The following FXYD3 variants were observed in gnomAD, a reference collection of about 807,000 sequenced individuals.
FXYD3 encodes FXYD domain-containing ion transport regulator 3.
In FXYD3, 13 loss-of-function variants were observed where a neutral mutation model predicts 19.2. The observed-to-expected ratio is 0.68, with a 90% CI of 0.44 to 1.08. FXYD3 has a LOEUF of 1.08. Ranked by LOEUF, FXYD3 falls within the 50% of genes least tolerant of loss-of-function variation. The pLI is 0.00. For synonymous variants in FXYD3, 48 were observed against 38.9 expected (o/e 1.23, Z -0.87); for missense variants, 101 against 109.4 (o/e 0.92, Z 0.34).
chr19:35,117,123 G>A, intron 2 of FXYD3: 1 of 1,325,596 alleles, frequency 7.5e-7, no homozygotes, highest in Non-Finnish European at 9.6e-7. Flanking sequence ...TCTCTAACCT[G>A]CTCACCAACC....
rs75407870 is a variant in FXYD3, at chr19:35,119,107, G to A, written c.-14-256G>A. 1,027 of 1,238,656 alleles carry A rather than the reference G, an allele frequency of 8.3e-4. 5 individuals are homozygous for A. In the African/African-American group the frequency reaches 0.014, roughly 17 times the overall value. The allele number at this position is 1,238,656 out of a possible 1,614,324, so 76.7% of individuals were successfully genotyped here. A position where few individuals can be genotyped will look rare whatever the true frequency, so the allele number is the denominator to read the frequency against. ...AGTGGCGCCCTTGTTTGGTTGCGGGGCGATTCCCAGAAAGCCTGAAGTCCA... is the reference window on the plus strand; with the variant it reads ...AGTGGCGCCCTTGTTTGGTTGCGGGACGATTCCCAGAAAGCCTGAAGTCCA... On this transcript the variant is annotated intron_variant, in intron 2 of 8. Coordinates refer to ENST00000604404, the MANE Select transcript of FXYD3 (RefSeq NM_005971.4).
At position 35,119,359 on chromosome 19, in the gene FXYD3, C is replaced by CT; in HGVS notation, c.-14-3dup. ...TAAGGCCAGACCTCCCGCCACCCCT[C>CT]TAGGCCAGCGCTCTGACATGCAGAA... On this transcript the variant is annotated splice_region_variant and splice_polypyrimidine_tract_variant and intron_variant, in intron 2 of 8. Transcript: ENST00000604404. 1 of 1,614,118 alleles carries CT rather than the reference C, an allele frequency of 6.2e-7. No individual in the cohort carries two copies. The highest frequency in any genetic ancestry group is 8.5e-7 in the Non-Finnish European group (1 of 1,179,950).
At chr19:35,118,788 C>T (rs7257175) in intron 2 of FXYD3, among the ~76,000 whole-genome samples, 50,225 of 151,948 alleles carry the variant, frequency 0.33, 8,641 homozygotes, top group East Asian at 0.45. Context: ...CACACCACCC[C>T]ACCCCCAAGC....
intron 5 of FXYD3, among the ~76,000 whole-genome samples, chr19:35,122,318 C>G (rs1048282746): frequency 3.3e-5 from 5 of 152,078 alleles, no homozygotes; most frequent in African/African-American, 9.7e-5. Flanking sequence ...CCATGCCTGG[C>G]TAATTTTTGT....
Position 35,122,944 on chromosome 19 carries a change from C to A in FXYD3, c.199C>A (p.Gln67Lys), listed in dbSNP as rs1217077580. ...MSAKCKCKFG[Q>K]KSGHHPGETP... ...TGCAAAATGCAAATGCAAGTTTGGCCAGAAGTCCGGGTAAGATACTGTTCC... is the reference window on the plus strand; with the variant it reads ...TGCAAAATGCAAATGCAAGTTTGGCAAGAAGTCCGGGTAAGATACTGTTCC... The change falls in exon 7 of 9, where the codon CAG becomes AAG. Residue 67 changes from glutamine (Q) to lysine (K), a missense_variant. By Grantham distance (53) the Gln-to-Lys change is moderately conservative. Coordinates refer to ENST00000604404, the MANE Select transcript of FXYD3 (RefSeq NM_005971.4). The A allele has an allele frequency of 3.4e-5, 55 of 1,600,028 alleles. No individual in the cohort carries two copies. Among genetic ancestry groups the A allele is most frequent in the Non-Finnish European group, 4.6e-5 (54 of 1,172,122 alleles).
At chr19:35,118,547 T>C in intron 2 of FXYD3, 4 of 991,640 alleles carry the variant, frequency 4.0e-6, no homozygotes, top group Non-Finnish European at 4.8e-6. Context: ...TGAGCAGGTC[T>C]ACCTGGGAAA....
chr19:35,117,950 G>A (rs1395750402), intron 2 of FXYD3: 1 of 152,214 alleles, frequency 6.6e-6, no homozygotes, highest in Non-Finnish European at 1.5e-5. Context: ...TTCGTGAAAT[G>A]AGGACATAGT....
intron 2 of FXYD3, chr19:35,117,045 C>T: frequency 5.1e-6 from 5 of 985,318 alleles, no homozygotes; most frequent in Non-Finnish European, 6.0e-6. Context: ...CTCAGGCCGG[C>T]CTTGGGACCT....
rs771759946 is a variant in FXYD3 at position 35,122,961 on chromosome 19, T to C, written c.209+7T>C. The C allele has an allele frequency of 2.5e-6, 4 of 1,586,168 alleles. No homozygotes were observed. The highest frequency in any genetic ancestry group is 3.4e-6 in the Non-Finnish European group (4 of 1,164,868). On this transcript the variant is annotated splice_region_variant and intron_variant, in intron 7 of 8. Transcript: ENST00000604404. The stretch of plus-strand genomic sequence containing the variant: ...AGTTTGGCCAGAAGTCCGGGTAAGA[T>C]ACTGTTCCGGCATGCCCGCCTCAGG...
intron 7 of FXYD3, 56 bp from the exon 8 acceptor site, chr19:35,123,215 C>G (rs746414875): frequency 6.5e-7 from 1 of 1,541,990 alleles, no homozygotes; most frequent in African/African-American, 1.4e-5. Flanking sequence ...ACCCTCTATC[C>G]GGAGGGAGAG....
intron 2 of FXYD3, chr19:35,117,491 C>A: frequency 9.9e-7 from 1 of 1,008,046 alleles, no homozygotes; most frequent in Non-Finnish European, 1.4e-6. Flanking sequence ...CATTAAGCTG[C>A]AGAGATTGAG....
intron 2 of FXYD3, chr19:35,117,136 A>T (rs891877429): frequency 2.3e-6 from 3 of 1,332,810 alleles, no homozygotes; most frequent in Non-Finnish European, 1.9e-6. Flanking sequence ...CACCAACCAC[A>T]TCAGTTCGGG....
Position 35,122,660 on chromosome 19 carries a change from G to A in FXYD3, c.98-105G>A, listed in dbSNP as rs750216872. On this transcript the variant is annotated intron_variant, in intron 5 of 8. Transcript: ENST00000604404. The stretch of plus-strand genomic sequence containing the variant: ...CTGTTTTCTTATGGCGGTGTCCCCA[G>A]CACCCTGTGCATCCTAGGTGCTCCA... 10 of 913,350 alleles carry A rather than the reference G, an allele frequency of 1.1e-5. No individual in the cohort carries two copies. In the South Asian group the frequency reaches 1.3e-4, roughly 11 times the overall value. 56.6% of individuals were successfully genotyped at this position (913,350 alleles called of 1,614,324 possible). A position where few individuals can be genotyped will look rare whatever the true frequency, so the allele number is the denominator to read the frequency against.
Position 35,116,286 on chromosome 19 carries a change from TCGGATAAA to T in FXYD3, c.-85_-78del. The T allele has an allele frequency of 1.0e-6, 1 of 985,434 alleles. No individual in the cohort carries two copies. Among genetic ancestry groups the T allele is most frequent in the Non-Finnish European group, 1.2e-6 (1 of 829,952 alleles). 61.0% of individuals were successfully genotyped at this position (985,434 alleles called of 1,614,324 possible). On this transcript the variant is annotated 5_prime_UTR_variant, in exon 2 of 9. Coordinates refer to ENST00000604404, the MANE Select transcript of FXYD3 (RefSeq NM_005971.4). ...CAGGTTTGCTTAGGGCGTGGCAGCTTCGGATAAACGCAGGACTCCGCCTGGCAGCCCGA... is the reference window on the plus strand; with the variant it reads ...CAGGTTTGCTTAGGGCGTGGCAGCTTCGCAGGACTCCGCCTGGCAGCCCGA...
chr19:35,120,373 C>T (rs2065015042), intron 3 of FXYD3, among the ~76,000 whole-genome samples: 1 of 152,180 alleles, frequency 6.6e-6, no homozygotes, highest in Non-Finnish European at 1.5e-5. Flanking sequence ...CTCCTGACCT[C>T]AAGTGATCCT....
At chr19:35,118,697 G>A (rs1055928121) in intron 2 of FXYD3, 4 of 433,390 alleles carry the variant, frequency 9.2e-6, no homozygotes, top group Admixed American at 5.4e-5. Context: ...AGGTTCGGGG[G>A]AACAGAGATG....
At chr19:35,120,937 G>A in intron 3 of FXYD3, 141 bp from the exon 4 acceptor site, 1 of 781,296 alleles carries the variant, frequency 1.3e-6, no homozygotes, top group South Asian at 1.8e-5. Flanking sequence ...GATATGAGGG[G>A]ATGAGGTGGC....
chr19:35,116,635 G>A (rs2064891602), intron 2 of FXYD3: 1 of 985,168 alleles, frequency 1.0e-6, no homozygotes, highest in Non-Finnish European at 1.2e-6. Flanking sequence ...GTGTCTGCAT[G>A]GATTAGGGAT....
At chr19:35,120,973 G>C in intron 3 of FXYD3, 105 bp from the exon 4 acceptor site, 1 of 1,229,606 alleles carries the variant, frequency 8.1e-7, no homozygotes, top group Non-Finnish European at 1.2e-6. Flanking sequence ...CCCCTGTCCC[G>C]CAGGAGACCC....
Sources: gnomAD v4.1 joint callset for allele counts (sites outside exome capture counted in the v4.1 genomes callset) on GRCh38, gnomAD v4.1.1 for gene constraint, MANE v1.5 for transcripts, NCBI Gene and HGNC (gene_info 2026-07-23, HGNC 2026-07-21) for gene names.